SMOC2: variants seen among roughly 807,000 people sequenced by gnomAD.
SMOC2 encodes SPARC related modular calcium binding 2.
A neutral mutation model predicts 61.4 loss-of-function variants in SMOC2; 39 were observed. The ratio of observed to expected loss-of-function variants is 0.64; its 90% confidence interval spans 0.49 to 0.83. SMOC2 has a LOEUF of 0.83. Ranked by LOEUF, SMOC2 falls within the 40% of genes least tolerant of loss-of-function variation. The pLI is 0.00. For synonymous variants in SMOC2, 247 were observed against 239.9 expected (o/e 1.03, Z -0.27); for missense variants, 556 against 592.9 (o/e 0.94, Z 0.65).
At chr6:168,461,927 A>G (rs1439751322) in intron 1 of SMOC2, among the ~76,000 whole-genome samples, 1 of 152,224 alleles carries the variant, frequency 6.6e-6, no homozygotes, top group Admixed American at 6.5e-5. Flanking sequence ...CTCACGTGGC[A>G]ATGGGATGAT....
At chr6:168,583,293 G>GGCCCT (rs1416681569) in intron 7 of SMOC2, among the ~76,000 whole-genome samples, 41 of 148,550 alleles carry the variant, frequency 2.8e-4, no homozygotes, top group Admixed American at 8.0e-4. Flanking sequence ...CAGTGGGCTC[G>GGCCCT]GCCCTGCCCT....
chr6:168,609,499 T>C (rs1394790675), intron 9 of SMOC2, among the ~76,000 whole-genome samples: 1 of 152,178 alleles, frequency 6.6e-6, no homozygotes, highest in African/African-American at 2.4e-5. Flanking sequence ...GCATGCCTAG[T>C]GAAGGGTGTT....
At chr6:168,551,427 ATTT>A (rs1784126721) in intron 7 of SMOC2, among the ~76,000 whole-genome samples, 1 of 11,964 alleles carries the variant, frequency 8.4e-5, no homozygotes, top group Non-Finnish European at 1.3e-4. Flanking sequence ...ACTTTATTTT[ATTT>A]ATTTATTTAT....
intron 1 of SMOC2, among the ~76,000 whole-genome samples, chr6:168,456,855 T>C (rs1781598423): frequency 6.6e-6 from 1 of 152,176 alleles, no homozygotes. Context: ...CTGCTCCATG[T>C]GGGCAACGGG....
At chr6:168,538,299 GGGT>G (rs1783788391) in intron 4 of SMOC2, among the ~76,000 whole-genome samples, 4 of 145,128 alleles carry the variant, frequency 2.8e-5, no homozygotes, top group Admixed American at 6.8e-5. Flanking sequence ...TGGGGGAGTG[GGGT>G]GACCCCTGCT....
intron 9 of SMOC2, among the ~76,000 whole-genome samples, chr6:168,634,869 C>G (rs1054360703): frequency 1.3e-5 from 2 of 152,106 alleles, no homozygotes; most frequent in Non-Finnish European, 1.5e-5. Context: ...TAGTTACTTT[C>G]TAAGCATTAT....
chr6:168,560,075 A>G (rs1293492089), intron 7 of SMOC2, among the ~76,000 whole-genome samples: 3 of 152,228 alleles, frequency 2.0e-5, no homozygotes, highest in Non-Finnish European at 4.4e-5. Flanking sequence ...CTTCATAATT[A>G]TTCTTCTCTA....
intron 1 of SMOC2, among the ~76,000 whole-genome samples, chr6:168,496,836 A>G (rs1345658804): frequency 6.6e-6 from 1 of 152,226 alleles, no homozygotes; most frequent in Non-Finnish European, 1.5e-5. Context: ...ATTCTCTTGG[A>G]AGGATTCCAT....
chr6:168,467,884 T>A (rs942630308), intron 1 of SMOC2, among the ~76,000 whole-genome samples: 5 of 152,250 alleles, frequency 3.3e-5, no homozygotes, highest in Non-Finnish European at 5.9e-5. Context: ...ATAGATTTTT[T>A]AAAATTTAAT....
At chr6:168,619,595 A>G (rs1231284553) in intron 9 of SMOC2, among the ~76,000 whole-genome samples, 4 of 152,248 alleles carry the variant, frequency 2.6e-5, no homozygotes, top group Non-Finnish European at 5.9e-5. Context: ...TGGTTAGTTT[A>G]GACTTCCCTC....
rs146075793 is a variant in SMOC2 at position 168,626,586 on chromosome 6, C to T, written c.907+18347C>T. 5.9e-3 allele frequency among the ~76,000 whole-genome samples: 892 copies of T among 152,358 alleles called. 16 individuals are homozygous for T. Among genetic ancestry groups the T allele is most frequent in the African/African-American group, 0.02 (834 of 41,592 alleles). On this transcript the variant is annotated intron_variant, in intron 9 of 12. Coordinates refer to ENST00000356284, the MANE Select transcript of SMOC2 (RefSeq NM_001166412.2). ...TACAGCCTGTGTCTCCTCTGCATCA[C>T]TGTGGGCCACAAAAGGCAATGGGCT...
intron 9 of SMOC2, among the ~76,000 whole-genome samples, chr6:168,638,915 G>C (rs1193057967): frequency 6.6e-6 from 1 of 152,164 alleles, no homozygotes; most frequent in Non-Finnish European, 1.5e-5. Flanking sequence ...AATCTCCAGT[G>C]CCCAGCTGCT....
At position 168,544,737 on chromosome 6, in the gene SMOC2, T is replaced by C. The variant is rs1783952408; in HGVS notation, c.511+1065T>C. Among the ~76,000 whole-genome samples, 1 of 152,140 alleles carries C rather than the reference T, an allele frequency of 6.6e-6. No individual in the cohort carries two copies. On this transcript the variant is annotated intron_variant, in intron 5 of 12. Coordinates refer to ENST00000356284, the MANE Select transcript of SMOC2 (RefSeq NM_001166412.2). The surrounding 1 kb of genome is among the most constrained non-coding windows in gnomAD (Gnocchi z 4.1). ...TTATTCAACCAATCCCTTCTGCATGTGTGGAAACTGTGGTGGGGCCCATCC... is the reference window on the plus strand; with the variant it reads ...TTATTCAACCAATCCCTTCTGCATGCGTGGAAACTGTGGTGGGGCCCATCC...
intron 1 of SMOC2, among the ~76,000 whole-genome samples, chr6:168,465,927 G>A (rs1781821695): frequency 7.8e-6 from 1 of 128,012 alleles, no homozygotes; most frequent in Non-Finnish European, 1.7e-5. Flanking sequence ...TGGAACTGGG[G>A]GGCTCTGGAT....
At chr6:168,581,992 C>G (rs1024984009) in intron 7 of SMOC2, among the ~76,000 whole-genome samples, 8 of 152,196 alleles carry the variant, frequency 5.3e-5, no homozygotes, top group Admixed American at 5.2e-4. Context: ...TCAGCATTAG[C>G]TTGTCTGCTT....
chr6:168,663,150 G>C (rs1157035650), intron 11 of SMOC2, among the ~76,000 whole-genome samples: 2 of 152,112 alleles, frequency 1.3e-5, no homozygotes, highest in African/African-American at 2.4e-5. Flanking sequence ...CAGTGAGTGG[G>C]TGAAGATAGG....
At chr6:168,564,286 G>A (rs1784493303) in intron 7 of SMOC2, among the ~76,000 whole-genome samples, 1 of 152,022 alleles carries the variant, frequency 6.6e-6, no homozygotes, top group African/African-American at 2.4e-5. Flanking sequence ...GTTCTTCAAA[G>A]AAGAGTGCCT....
rs1781196322 is a variant in SMOC2, at chr6:168,441,218, T to A, written c.-153T>A. The A allele has an allele frequency of 3.0e-5, 36 of 1,213,174 alleles. No homozygotes were observed. The highest frequency in any genetic ancestry group is 8.5e-5 in the Admixed American group (2 of 23,516). 75.2% of individuals were successfully genotyped at this position (1,213,174 alleles called of 1,614,324 possible). A position where few individuals can be genotyped will look rare whatever the true frequency, so the allele number is the denominator to read the frequency against. ...GACCTCTGGGTGCCTGCAGGGGAGC[T>A]GCTCCAGCCGGGCCGCCGGGAGCGG... On this transcript the variant is annotated 5_prime_UTR_variant, in exon 1 of 13. Transcript: ENST00000356284.
At chr6:168,648,604 T>TA in intron 9 of SMOC2, among the ~76,000 whole-genome samples, 1 of 152,360 alleles carries the variant, frequency 6.6e-6, no homozygotes, top group Non-Finnish European at 1.5e-5. Context: ...ATGAGACTGT[T>TA]ACTTCTTTCT....
Sources: allele counts gnomAD v4.1 joint callset (sites outside exome capture counted in the v4.1 genomes callset), GRCh38; gene constraint gnomAD v4.1.1; non-coding constraint Gnocchi (gnomAD v3.1); transcripts MANE v1.5; gene names NCBI Gene and HGNC (gene_info 2026-07-23, HGNC 2026-07-21).